Variants in LACTB observed in about 807,000 individuals in gnomAD.
The protein encoded by LACTB is serine beta-lactamase-like protein LACTB, mitochondrial.
A neutral mutation model predicts 50.2 loss-of-function variants in LACTB; 35 were observed. The ratio of observed to expected loss-of-function variants is 0.70; its 90% CI spans 0.53 to 0.92. The LOEUF is 0.92. Among genes scored for constraint, LACTB ranks in the 40% least tolerant of loss-of-function variants. The pLI is 0.00. For missense variants in LACTB, 664 were observed against 691.8 expected (o/e 0.96, Z 0.45); for synonymous variants, 252 against 268.2 (o/e 0.94, Z 0.59).
chr15:63,123,009 G>T (rs757098384), intron 2 of LACTB, among the ~76,000 whole-genome samples: 13 of 152,198 alleles, frequency 8.5e-5, no homozygotes, highest in Non-Finnish European at 1.6e-4. Flanking sequence ...AAGACCCTCA[G>T]TGGATGCCTG....
intron 5 of LACTB, among the ~76,000 whole-genome samples, chr15:63,135,508 G>T (rs2037167706): frequency 6.6e-6 from 1 of 152,152 alleles, no homozygotes; most frequent in African/African-American, 2.4e-5. Flanking sequence ...GATTGCTTGA[G>T]CCTCGGTGTT....
intron 5 of LACTB, among the ~76,000 whole-genome samples, chr15:63,134,825 T>A (rs1290893230): frequency 1.3e-5 from 2 of 151,648 alleles, no homozygotes; most frequent in African/African-American, 2.4e-5. Context: ...TGTGTGTGTG[T>A]GTGTGTGTGT....
Position 63,121,908 on chromosome 15 carries a change from G to T in LACTB, c.37G>T (p.Ala13Ser). The stretch of plus-strand genomic sequence containing the variant: ...CATGTCAGCAGTGACTGCCCGGGCT[G>T]CCGCCCCCGGGGGCTTGGCCTCAAG... ...RLMSAVTARAAAPGGLASSCG... is the reference protein window; with the variant it reads ...RLMSAVTARASAPGGLASSCG... The change falls in exon 1 of 6, where the codon GCC becomes TCC. Residue 13 changes from alanine (A) to serine (S), a missense_variant. Ala to Ser is a moderately conservative substitution (Grantham distance 99). Transcript: ENST00000261893. 7.0e-7 allele frequency: 1 copy of T among 1,419,052 alleles called. No individual in the cohort carries two copies. Among genetic ancestry groups the T allele is most frequent in the Non-Finnish European group, 9.2e-7 (1 of 1,090,250 alleles). The allele number at this position is 1,419,052 out of a possible 1,614,324, so 87.9% of individuals were successfully genotyped here.
chr15:63,123,117 C>G (rs1354755456), intron 2 of LACTB, among the ~76,000 whole-genome samples: 1 of 152,092 alleles, frequency 6.6e-6, no homozygotes, highest in Non-Finnish European at 1.5e-5. Flanking sequence ...AAGAGATTAG[C>G]AACAATAATA....
intron 4 of LACTB, 55 bp from the exon 5 acceptor site, chr15:63,129,430 T>C: frequency 7.0e-7 from 1 of 1,429,342 alleles, no homozygotes; most frequent in Admixed American, 2.4e-5. Flanking sequence ...TTTTATATGT[T>C]TTTGAATAAT....
Position 63,141,343 on chromosome 15 carries a change from ATGGGCTGG to A in LACTB, c.1186_1193del (p.Ala396TrpfsTer8). On this transcript the variant is annotated frameshift_variant, in exon 6 of 6. Coordinates refer to ENST00000261893, the MANE Select transcript of LACTB (RefSeq NM_032857.5). LOFTEE classifies it high-confidence loss of function. ...CACCTTACGTGGATAACTCCTATAA[ATGGGCTGG>A]TGGTGGATTTCTGTCTACAGTGGGT... 6.2e-7 allele frequency: 1 copy of A among 1,614,158 alleles called. No homozygotes were observed. The highest frequency in any genetic ancestry group is 8.5e-7 in the Non-Finnish European group (1 of 1,179,988).
intron 5 of LACTB, chr15:63,131,166 C>T (rs2037128192): frequency 6.6e-6 from 1 of 152,298 alleles, no homozygotes; most frequent in African/African-American, 2.4e-5. Context: ...GTGGCATACA[C>T]TTGTAATCTC....
intron 5 of LACTB, among the ~76,000 whole-genome samples, chr15:63,133,442 G>A (rs895558258): frequency 6.6e-6 from 1 of 152,092 alleles, no homozygotes; most frequent in Non-Finnish European, 1.5e-5. Context: ...GCAACAGAGT[G>A]AGACCCCATC....
chr15:63,125,183 T>A (rs1165462549), intron 2 of LACTB, among the ~76,000 whole-genome samples: 1 of 151,024 alleles, frequency 6.6e-6, no homozygotes, highest in Non-Finnish European at 1.5e-5. Flanking sequence ...TTATTTATTT[T>A]TTTTTTGGAG....
chr15:63,132,828 T>C (rs7175973), intron 5 of LACTB, among the ~76,000 whole-genome samples: 3 of 150,738 alleles, frequency 2.0e-5, no homozygotes, highest in African/African-American at 7.3e-5. Context: ...TTAAAAAAAA[T>C]TTTTTTTTGA....
Position 63,122,620 on chromosome 15 carries a change from T to A in LACTB, c.358-16T>A. ...AGCAGGCCCGTAACTGTCGGTTCTT[T>A]CCCCTTCGGTCTTAGGATGAGGTGG... On this transcript the variant is annotated splice_polypyrimidine_tract_variant and intron_variant, in intron 1 of 5. Coordinates refer to ENST00000261893, the MANE Select transcript of LACTB (RefSeq NM_032857.5). The A allele has an allele frequency of 3.7e-6, 6 of 1,607,084 alleles. No homozygotes were observed. The highest frequency in any genetic ancestry group is 5.1e-6 in the Non-Finnish European group (6 of 1,173,536).
chr15:63,127,401 C>A lies in LACTB; in HGVS notation c.664C>A (p.His222Asn). 2 of 1,585,208 alleles carry A rather than the reference C, an allele frequency of 1.3e-6. No individual in the cohort carries two copies. The highest frequency in any genetic ancestry group is 2.4e-5 in the South Asian group (2 of 84,794). ...GATTTCCCATTTAAGTGGAATTCGTCATTATGAAAAGGACATAAAAAAGGT... is the reference window on the plus strand; with the variant it reads ...GATTTCCCATTTAAGTGGAATTCGTAATTATGAAAAGGACATAAAAAAGGT... ...LLISHLSGIR[H>N]YEKDIKKVKE... The change falls in exon 4 of 6, where the codon CAT (histidine) becomes AAT (asparagine). Residue 222 changes from histidine to asparagine, a missense_variant. His to Asn is a moderately conservative substitution (Grantham distance 68, BLOSUM62 1). Transcript: ENST00000261893.
At chr15:63,137,994 A>T (rs2037191818) in intron 5 of LACTB, among the ~76,000 whole-genome samples, 2 of 152,350 alleles carry the variant, frequency 1.3e-5, no homozygotes, top group South Asian at 4.1e-4. Context: ...AATAAATACC[A>T]AGTGATGAAT....
intron 5 of LACTB, among the ~76,000 whole-genome samples, chr15:63,136,441 A>G (rs2037178002): frequency 6.6e-6 from 1 of 151,374 alleles, no homozygotes; most frequent in African/African-American, 2.4e-5. Context: ...GTCTTGTTTT[A>G]ATTTTTGGTA....
At chr15:63,122,541 AG>A in intron 1 of LACTB, 94 bp from the exon 2 acceptor site, 1 of 1,002,938 alleles carries the variant, frequency 1.0e-6, no homozygotes, top group African/African-American at 1.6e-5. Context: ...GGCGGGGCCC[AG>A]GCTCAGGGGG....
At chr15:63,137,406 C>G (rs2037187959) in intron 5 of LACTB, among the ~76,000 whole-genome samples, 1 of 152,136 alleles carries the variant, frequency 6.6e-6, no homozygotes, top group South Asian at 2.1e-4. Flanking sequence ...AATTTTATAA[C>G]TAGATGGGAT....
chr15:63,140,772 C>T lies in LACTB; in HGVS notation c.1119-508C>T, dbSNP rs138928659. On this transcript the variant is annotated intron_variant, in intron 5 of 5. Transcript: ENST00000261893. ...CTGGGATTACAGGCACCAGCTGCTG[C>T]ACCCAGCTTATATGGTATTTTTATC... 2.3e-3 allele frequency among the ~76,000 whole-genome samples: 352 copies of T among 152,276 alleles called. 2 individuals carry two copies. Among genetic ancestry groups the T allele is most frequent in the African/African-American group, 8.2e-3 (341 of 41,558 alleles).
intron 5 of LACTB, among the ~76,000 whole-genome samples, chr15:63,132,419 T>G (rs530239951): frequency 6.6e-6 from 1 of 152,244 alleles, no homozygotes; most frequent in South Asian, 2.1e-4. Flanking sequence ...GATATTTAAT[T>G]GAATGATTTT....
intron 2 of LACTB, among the ~76,000 whole-genome samples, chr15:63,123,936 C>G (rs2141067648): frequency 6.6e-6 from 1 of 152,320 alleles, no homozygotes; most frequent in South Asian, 2.1e-4. Flanking sequence ...GCAAGCCTGA[C>G]TGATGTCAGG....
Sources: allele counts gnomAD v4.1 joint callset (sites outside exome capture counted in the v4.1 genomes callset), GRCh38; gene constraint gnomAD v4.1.1; transcripts MANE v1.5; gene names NCBI Gene and HGNC (gene_info 2026-07-23, HGNC 2026-07-21).